Variants in PAX7 observed in about 807,000 individuals in gnomAD.
The protein encoded by PAX7 is paired box 7, also known as paired box protein Pax-7.
In PAX7, 18 loss-of-function variants were observed where a neutral mutation model predicts 50.7. The observed-to-expected ratio is 0.36, with a 90% CI of 0.25 to 0.53. PAX7 has a LOEUF of 0.53. PAX7 is among the 20% of genes least tolerant of loss of function. PAX7 has a pLI of 0.93. For synonymous variants in PAX7, 310 were observed against 290.4 expected, an observed-to-expected ratio of 1.07 and a Z score of -0.69; for missense variants, 644 against 702.9, an observed-to-expected ratio of 0.92 and a Z score of 0.95.
chr1:18,723,545 C>T (rs1163026504), intron 7 of PAX7, among the ~76,000 whole-genome samples: 1 of 152,196 alleles, frequency 6.6e-6, no homozygotes, highest in Non-Finnish European at 1.5e-5. Flanking sequence ...GGACCTGGGT[C>T]AGAGCTAGCT....
chr1:18,635,353 C>T, intron 3 of PAX7, 113 bp downstream of exon 3: 1 of 1,289,442 alleles, frequency 7.8e-7, no homozygotes, highest in Non-Finnish European at 1.1e-6. Flanking sequence ...TGTGAACTTA[C>T]TGAGAAGTTG....
intron 4 of PAX7, among the ~76,000 whole-genome samples, chr1:18,647,043 G>A (rs1178755760): frequency 1.4e-5 from 2 of 143,978 alleles, no homozygotes; most frequent in Admixed American, 1.4e-4. Context: ...GCTGGAGGGG[G>A]AGGGGCGACC....
At chr1:18,690,340 C>T (rs560438686) in intron 4 of PAX7, among the ~76,000 whole-genome samples, 1 of 152,236 alleles carries the variant, frequency 6.6e-6, no homozygotes, top group African/African-American at 2.4e-5. Flanking sequence ...TGAGTGTCTG[C>T]TCTCTTTTCC....
At chr1:18,662,923 A>G (rs2088620891) in intron 4 of PAX7, among the ~76,000 whole-genome samples, 1 of 152,134 alleles carries the variant, frequency 6.6e-6, no homozygotes, top group African/African-American at 2.4e-5. Flanking sequence ...AGAAAAAAAA[A>G]AAACCTCAAA....
chr1:18,714,187 A>G (rs2089389120), intron 7 of PAX7, among the ~76,000 whole-genome samples: 1 of 148,856 alleles, frequency 6.7e-6, no homozygotes, highest in Admixed American at 6.8e-5. Context: ...AGCCTGGGTG[A>G]CAGAATGAGG....
chr1:18,744,469 T>TGATGGATGGGTGGATGAG (rs1557564518), intron 8 of PAX7, among the ~76,000 whole-genome samples: 2 of 73,662 alleles, frequency 2.7e-5, no homozygotes, highest in Non-Finnish European at 6.3e-5. Context: ...GATGGATGGA[T>TGATGGATGGGTGGATGAG]GGATGGATGG....
At chr1:18,697,803 G>A (rs987766375) in intron 5 of PAX7, among the ~76,000 whole-genome samples, 1 of 152,138 alleles carries the variant, frequency 6.6e-6, no homozygotes, top group African/African-American at 2.4e-5. Context: ...ACCCAACCTT[G>A]CATGTCACCC....
rs575952185 is a variant in PAX7, at chr1:18,634,992, G to T, written c.322-119G>T. Reference sequence around the variant, plus strand: ...AAAGCCAATCTCTTGGGGGATGGGGGGACACAAGGTAACCAGAACCACCAG... The same window carrying T: ...AAAGCCAATCTCTTGGGGGATGGGGTGACACAAGGTAACCAGAACCACCAG... On this transcript the variant is annotated intron_variant, in intron 2 of 8. Transcript: ENST00000420770. The surrounding 1 kb of genome is among the most constrained non-coding windows in gnomAD (Gnocchi z 4.0). 1.6e-6 allele frequency: 2 copies of T among 1,254,054 alleles called. No homozygotes were observed. Among genetic ancestry groups the T allele is most frequent in the Non-Finnish European group, 1.1e-6 (1 of 912,886 alleles). The allele number at this position is 1,254,054 out of a possible 1,614,324, so 77.7% of individuals were successfully genotyped here.
At chr1:18,692,473 C>T (rs746396226) in intron 5 of PAX7, among the ~76,000 whole-genome samples, 1 of 148,968 alleles carries the variant, frequency 6.7e-6, no homozygotes, top group Non-Finnish European at 1.5e-5. Flanking sequence ...ACGTGGGAGG[C>T]GGAGGTTGCA....
intron 5 of PAX7, among the ~76,000 whole-genome samples, chr1:18,694,861 G>A (rs1570182088): frequency 6.6e-6 from 1 of 152,326 alleles, no homozygotes; most frequent in East Asian, 1.9e-4. Flanking sequence ...TACCAGAAGT[G>A]TTCAAACAAA....
chr1:18,633,803 C>T (rs933044859), intron 1 of PAX7, among the ~76,000 whole-genome samples: 1 of 152,224 alleles, frequency 6.6e-6, no homozygotes, highest in African/African-American at 2.4e-5. Context: ...TCATTCATGA[C>T]TACCAGGAGC....
At chr1:18,633,408 C>T (rs997153398) in intron 1 of PAX7, among the ~76,000 whole-genome samples, 2 of 152,204 alleles carry the variant, frequency 1.3e-5, no homozygotes, top group African/African-American at 4.8e-5. Context: ...GTTCTCCCCT[C>T]CCCAGCACAC....
At chr1:18,691,047 G>A (rs531742129) in intron 4 of PAX7, among the ~76,000 whole-genome samples, 2 of 152,142 alleles carry the variant, frequency 1.3e-5, no homozygotes, top group South Asian at 2.1e-4. Flanking sequence ...TGGTGTGATT[G>A]GCTTACTATA....
intron 4 of PAX7, among the ~76,000 whole-genome samples, chr1:18,641,429 CAAGAA>C (rs1311772291): frequency 1.3e-5 from 2 of 152,066 alleles, no homozygotes; most frequent in African/African-American, 4.8e-5. Flanking sequence ...CCAGGGCGCG[CAAGAA>C]AAGAGGCTCG....
chr1:18,744,782 C>T (rs1931355878), intron 8 of PAX7, 32 bp from the exon 9 acceptor site: 3 of 1,331,998 alleles, frequency 2.3e-6, no homozygotes, highest in Non-Finnish European at 3.2e-6. Flanking sequence ...AAAAGAACCT[C>T]AATTTCTAGG....
At chr1:18,682,953 T>G (rs2088920369) in intron 4 of PAX7, among the ~76,000 whole-genome samples, 1 of 152,176 alleles carries the variant, frequency 6.6e-6, no homozygotes, top group African/African-American at 2.4e-5. Flanking sequence ...GCTGCCCAGC[T>G]GCCTGGGTGG....
At chr1:18,658,797 G>A (rs1225594482) in intron 4 of PAX7, among the ~76,000 whole-genome samples, 1 of 152,190 alleles carries the variant, frequency 6.6e-6, no homozygotes, top group African/African-American at 2.4e-5. Flanking sequence ...AGCTGGCTGG[G>A]GTTGACATTT....
In PAX7 at chr1:18,745,940, C is replaced by G; in HGVS notation, c.*1011C>G. 1 of 231,856 alleles carries G rather than the reference C, an allele frequency of 4.3e-6. No individual in the cohort carries two copies. The allele number at this position is 231,856 out of a possible 1,614,324, so 14.4% of individuals were successfully genotyped here. ...AAGCCTTTGTTGCCCAAGGCTTCAG[C>G]TCTCTGCCTGCAAGTCCACACCCCA... On this transcript the variant is annotated 3_prime_UTR_variant, in exon 9 of 9. Coordinates refer to ENST00000420770, the MANE Select transcript of PAX7 (RefSeq NM_001135254.2).
chr1:18,667,486 C>T (rs541251989), intron 4 of PAX7, among the ~76,000 whole-genome samples: 18 of 151,714 alleles, frequency 1.2e-4, no homozygotes, highest in Non-Finnish European at 2.5e-4. Flanking sequence ...AGCAGCAGCC[C>T]GGTAAAAGCG....
Sources: allele counts gnomAD v4.1 joint callset (sites outside exome capture counted in the v4.1 genomes callset), GRCh38; gene constraint gnomAD v4.1.1; non-coding constraint Gnocchi (gnomAD v3.1); transcripts MANE v1.5; gene names NCBI Gene and HGNC (gene_info 2026-07-23, HGNC 2026-07-21).